The following TIAM2 variants were observed in gnomAD, a reference collection of about 807,000 sequenced individuals.
The protein encoded by TIAM2 is rho guanine nucleotide exchange factor TIAM2.
Under a neutral mutation model 152.9 loss-of-function variants are expected in TIAM2, and 80 were observed. That is an observed-to-expected ratio of 0.52 (90% CI 0.44 to 0.63). The LOEUF is 0.63. Ranked by LOEUF, TIAM2 falls within the 30% of genes least tolerant of loss-of-function variation. The probability of loss-of-function intolerance (pLI) is 0.00; values close to 1 mark genes in which losing one functional copy is unlikely to be tolerated. For synonymous variants in TIAM2, 804 were observed against 838.0 expected (o/e 0.96, Z 0.70); for missense variants, 1,965 against 2,120.1 (o/e 0.93, Z 1.44).
chr6:155,016,475 T>C (rs952340335), intron 1 of TIAM2: 1 of 119,252 alleles, frequency 8.4e-6, no homozygotes. Context: ...ATGGGAATAC[T>C]ATATTTAAAT....
At position 155,254,528 on chromosome 6, in the gene TIAM2, C is replaced by T. The variant is rs371773598; in HGVS notation, c.4423C>T (p.Arg1475Cys). 1.1e-4 allele frequency: 173 copies of T among 1,613,864 alleles called. No homozygotes were observed. The highest frequency in any genetic ancestry group is 1.6e-4 in the Middle Eastern group (1 of 6,080). Reference sequence around the variant, plus strand: ...ACCACTGGAGAAAACGTGTAAGGATCGCCTGGTACCTCTTAAGAACCGAGT... The same window carrying T: ...ACCACTGGAGAAAACGTGTAAGGATTGCCTGGTACCTCTTAAGAACCGAGT... ...ELPLEKTCKD[R>C]LVPLKNRVPV... Residue 1475 changes from arginine (R) to cysteine (C), a missense_variant, in exon 26 of 27, where the codon CGC (arginine) becomes TGC (cysteine). This residue lies in a region of TIAM2 where 935 missense variants were observed against 980.0 expected (regional missense o/e 0.95). Transcript: ENST00000682666.
At chr6:155,117,504 G>A (rs954559149) in intron 2 of TIAM2, among the ~76,000 whole-genome samples, 6 of 152,150 alleles carry the variant, frequency 3.9e-5, no homozygotes, top group Non-Finnish European at 8.8e-5. Flanking sequence ...ATGCAGTGGC[G>A]CCATCTCGGC....
In TIAM2 at chr6:155,129,716, A is replaced by G; in HGVS notation, c.493A>G (p.Thr165Ala). The change falls in exon 4 of 27, where the codon ACG becomes GCG. Residue 165 changes from threonine (T) to alanine (A), a missense_variant. By Grantham distance (58) the Thr-to-Ala change is moderately conservative. Around this residue, in one of 3 missense-constraint regions of TIAM2, gnomAD observed 1,025 missense variants for 1,119.4 expected, o/e 0.92. Coordinates refer to ENST00000682666, the MANE Select transcript of TIAM2 (RefSeq NM_012454.4). This position sits in a 1 kb window ranked among gnomAD's most constrained non-coding sequence, Gnocchi z 4.8. ...DRKSPRVLIK[T>A]LGKLDGCLRV... ...CAAGAGCCCCCGAGTGCTCATCAAA[A>G]CGCTGGGGAAGCTGGATGGGTGTTT... 8 of 1,613,944 alleles carry G rather than the reference A, an allele frequency of 5.0e-6. No individual in the cohort carries two copies. The highest frequency in any genetic ancestry group is 6.8e-6 in the Non-Finnish European group (8 of 1,179,998).
intron 1 of TIAM2, among the ~76,000 whole-genome samples, chr6:155,081,814 C>T (rs1172275750): frequency 2.0e-5 from 3 of 152,032 alleles, no homozygotes; most frequent in Non-Finnish European, 2.9e-5. Context: ...TTTTTTTACC[C>T]CCTGACTTTC....
At chr6:155,054,088 G>A (rs552519989) in intron 1 of TIAM2, among the ~76,000 whole-genome samples, 15 of 152,160 alleles carry the variant, frequency 9.9e-5, no homozygotes, top group Admixed American at 2.6e-4. Flanking sequence ...CCGGAGACTC[G>A]TTTGAACCTG....
At chr6:155,035,331 C>T (rs1776903165) in intron 1 of TIAM2, among the ~76,000 whole-genome samples, 1 of 151,888 alleles carries the variant, frequency 6.6e-6, no homozygotes, top group Non-Finnish European at 1.5e-5. Flanking sequence ...AAGCGATCCT[C>T]CTGCCTCAGC....
At chr6:155,250,002 T>G in intron 21 of TIAM2, 33 bp downstream of exon 21, 2 of 1,557,100 alleles carry the variant, frequency 1.3e-6, no homozygotes, top group Non-Finnish European at 1.8e-6. Flanking sequence ...GGGAGCCTAG[T>G]GCATGTGGTG....
At chr6:155,072,913 T>G (rs970864624) in intron 1 of TIAM2, among the ~76,000 whole-genome samples, 3 of 152,088 alleles carry the variant, frequency 2.0e-5, no homozygotes, top group Admixed American at 6.6e-5. Context: ...GCATCGAGGG[T>G]TCGTCCTTAT....
At chr6:155,154,916 T>C (rs1780068931) in intron 7 of TIAM2, among the ~76,000 whole-genome samples, 2 of 152,234 alleles carry the variant, frequency 1.3e-5, no homozygotes, top group Admixed American at 6.5e-5. Context: ...TGGCAACTGG[T>C]GAAGAGAACA....
intron 12 of TIAM2, 95 bp from the exon 13 acceptor site, chr6:155,182,131 T>A (rs1165366642): frequency 2.0e-6 from 2 of 1,001,594 alleles, no homozygotes; most frequent in African/African-American, 3.2e-5. Context: ...ACTGTACTTA[T>A]GAGAAAAGAT....
chr6:155,117,276 A>AGTGT (rs35191081), intron 2 of TIAM2, among the ~76,000 whole-genome samples: 1 of 151,314 alleles, frequency 6.6e-6, no homozygotes, highest in South Asian at 2.1e-4. Context: ...TTTGCTTGAA[A>AGTGT]GTGTGTGTGT....
intron 13 of TIAM2, 106 bp from the exon 14 acceptor site, chr6:155,183,131 C>T: frequency 7.1e-7 from 1 of 1,404,566 alleles, no homozygotes; most frequent in Non-Finnish European, 9.6e-7. Flanking sequence ...ACAAACAAAA[C>T]AGTCCCTACG....
chr6:155,173,620 AGTT>A (rs1405057491), intron 9 of TIAM2, among the ~76,000 whole-genome samples: 2 of 152,322 alleles, frequency 1.3e-5, no homozygotes, highest in Admixed American at 6.5e-5. Context: ...GTGAATTTCT[AGTT>A]GTATCCAGCT....
chr6:155,206,814 A>C (rs540516297), intron 14 of TIAM2, among the ~76,000 whole-genome samples: 1 of 152,336 alleles, frequency 6.6e-6, no homozygotes, highest in South Asian at 2.1e-4. Flanking sequence ...TTCCACGAGA[A>C]ATGTGATGAG....
intron 10 of TIAM2, among the ~76,000 whole-genome samples, chr6:155,178,353 T>C (rs1354573395): frequency 1.3e-5 from 2 of 152,050 alleles, no homozygotes; most frequent in Non-Finnish European, 2.9e-5. Context: ...TGTTAACATT[T>C]TACAAATTTC....
chr6:155,100,427 G>A (rs569228972), intron 2 of TIAM2, among the ~76,000 whole-genome samples: 7 of 152,294 alleles, frequency 4.6e-5, no homozygotes, highest in South Asian at 4.1e-4. Flanking sequence ...GGCAGTGATC[G>A]CATGTGGAGT....
chr6:155,249,910 G>A lies in TIAM2; in HGVS notation c.3892G>A (p.Glu1298Lys). The part of the protein sequence containing the change: ...SHINEMQKIY[E>K]DYGTVFDQLV... Reference sequence around the variant, plus strand: ...CATCAATGAGATGCAGAAGATCTATGAGGATTATGGGACCGTGTTTGACCA... The same window carrying A: ...CATCAATGAGATGCAGAAGATCTATAAGGATTATGGGACCGTGTTTGACCA... The change falls in exon 21 of 27, where the codon GAG (glutamate) becomes AAG (lysine). Residue 1298 changes from glutamate to lysine, a missense_variant. Around this residue, in one of 3 missense-constraint regions of TIAM2, gnomAD observed 935 missense variants for 980.0 expected, o/e 0.95. Transcript: ENST00000682666. The A allele has an allele frequency of 6.2e-7, 1 of 1,614,170 alleles. No homozygotes were observed. The highest frequency in any genetic ancestry group is 8.5e-7 in the Non-Finnish European group (1 of 1,180,040).
At chr6:155,010,314 A>C (rs1407227727) in intron 1 of TIAM2, among the ~76,000 whole-genome samples, 1 of 152,242 alleles carries the variant, frequency 6.6e-6, no homozygotes, top group African/African-American at 2.4e-5. Flanking sequence ...AAAGATCCAC[A>C]GCTCATTTCT....
chr6:155,038,288 T>G (rs893694704), intron 1 of TIAM2, among the ~76,000 whole-genome samples: 6 of 152,206 alleles, frequency 3.9e-5, no homozygotes, highest in African/African-American at 1.4e-4. Flanking sequence ...TAGGGTCTGG[T>G]TGGCCTGCCC....
Sources: allele counts gnomAD v4.1 joint callset (sites outside exome capture counted in the v4.1 genomes callset), GRCh38; gene constraint gnomAD v4.1.1; regional missense constraint gnomAD v4.1.1; non-coding constraint Gnocchi (gnomAD v3.1); transcripts MANE v1.5; gene names NCBI Gene and HGNC (gene_info 2026-07-23, HGNC 2026-07-21).